Variants in ME1 observed in about 807,000 individuals in gnomAD.
The protein encoded by ME1 is NADP-dependent malic enzyme.
ME1 carries 74 observed loss-of-function variants against 66.4 expected under a neutral mutation model. That is an observed-to-expected ratio of 1.11 (90% CI 0.92 to 1.35). ME1 has a LOEUF of 1.35. ME1 is among the 40% of genes most tolerant of loss of function. ME1 has a pLI of 0.00. For synonymous variants in ME1, 251 were observed against 235.6 expected (o/e 1.07, Z -0.60); for missense variants, 750 against 694.1 (o/e 1.08, Z -0.90).
At chr6:83,418,456 C>T (rs1770202863) in intron 1 of ME1, among the ~76,000 whole-genome samples, 1 of 152,158 alleles carries the variant, frequency 6.6e-6, no homozygotes, top group Admixed American at 6.5e-5. Context: ...CCCTCTTACT[C>T]AGCTTTTTCG....
chr6:83,386,929 C>G (rs1769515011), intron 3 of ME1, among the ~76,000 whole-genome samples: 1 of 152,072 alleles, frequency 6.6e-6, no homozygotes, highest in Admixed American at 6.6e-5. Context: ...CTCAGACTTC[C>G]CAGCCTCCCC....
intron 3 of ME1, among the ~76,000 whole-genome samples, chr6:83,386,289 TAC>T (rs1769501505): frequency 6.6e-6 from 1 of 151,890 alleles, no homozygotes; most frequent in African/African-American, 2.4e-5. Flanking sequence ...TTTCTAGAAA[TAC>T]AGACAATTAT....
chr6:83,345,836 A>G (rs1768674780), intron 5 of ME1, among the ~76,000 whole-genome samples: 1 of 152,178 alleles, frequency 6.6e-6, no homozygotes, highest in African/African-American at 2.4e-5. Context: ...ATTAAATTTA[A>G]TAAATCCCAT....
rs542229438 is a variant in ME1, at chr6:83,211,182, C to T, written c.*742G>A. On this transcript the variant is annotated 3_prime_UTR_variant, in exon 14 of 14. Coordinates refer to ENST00000369705, the MANE Select transcript of ME1 (RefSeq NM_002395.6). The stretch of plus-strand genomic sequence containing the variant: ...CCAACCTCGGGACAGGGGCCACAGT[C>T]CACAAAATCCCTGTAGCAACAGTAT... The T allele has an allele frequency of 6.6e-6, 1 of 152,346 alleles. No individual in the cohort carries two copies. The highest frequency in any genetic ancestry group is 2.1e-4 in the South Asian group (1 of 4,822). 9.4% of individuals were successfully genotyped at this position (152,346 alleles called of 1,614,324 possible).
intron 5 of ME1, among the ~76,000 whole-genome samples, chr6:83,333,558 A>G (rs1178146278): frequency 6.6e-6 from 1 of 152,214 alleles, no homozygotes; most frequent in African/African-American, 2.4e-5. Context: ...AAAGACCATA[A>G]AAATTTAGAT....
chr6:83,285,683 G>A (rs1243557166), intron 6 of ME1, among the ~76,000 whole-genome samples: 2 of 152,148 alleles, frequency 1.3e-5, no homozygotes, highest in African/African-American at 4.8e-5. Context: ...AACAGCAAAA[G>A]CAAAGACCCT....
In ME1 at chr6:83,237,839, TGAAAA is replaced by T. The variant is rs1790444839; in HGVS notation, c.913-14_913-10del. 8 of 1,510,412 alleles carry T rather than the reference TGAAAA, an allele frequency of 5.3e-6. No individual in the cohort carries two copies. Among genetic ancestry groups the T allele is most frequent in the South Asian group, 3.7e-5 (3 of 81,314 alleles). 93.6% of individuals were successfully genotyped at this position (1,510,412 alleles called of 1,614,324 possible). A position where few individuals can be genotyped will look rare whatever the true frequency, so the allele number is the denominator to read the frequency against. ...GCAATCCCTAGGGCAGCCTCAGTGA[TGAAAA>T]GAAAAAATTTTAAAGTTGTTCTACA... On this transcript the variant is annotated splice_polypyrimidine_tract_variant and intron_variant, in intron 8 of 13. Coordinates refer to ENST00000369705, the MANE Select transcript of ME1 (RefSeq NM_002395.6).
intron 6 of ME1, among the ~76,000 whole-genome samples, chr6:83,254,738 T>C (rs1450398323): frequency 6.6e-6 from 1 of 152,186 alleles, no homozygotes; most frequent in African/African-American, 2.4e-5. Context: ...CTGAATCAAC[T>C]GCACCTCTCT....
intron 3 of ME1, among the ~76,000 whole-genome samples, chr6:83,393,887 T>C (rs1769680159): frequency 6.6e-6 from 1 of 152,082 alleles, no homozygotes; most frequent in African/African-American, 2.4e-5. Context: ...ACCCTTCATC[T>C]ATAAGGAAAA....
chr6:83,326,674 C>T (rs955954633), intron 5 of ME1, among the ~76,000 whole-genome samples: 4 of 152,108 alleles, frequency 2.6e-5, no homozygotes, highest in Admixed American at 1.3e-4. Context: ...CAATCAGAAC[C>T]ACAATGAGAT....
At chr6:83,401,260 A>G (rs760011265) in intron 2 of ME1, among the ~76,000 whole-genome samples, 1 of 152,192 alleles carries the variant, frequency 6.6e-6, no homozygotes, top group Non-Finnish European at 1.5e-5. Flanking sequence ...GTTTGAGCCC[A>G]GGATGTTGAG....
At chr6:83,319,019 T>G (rs1768097351) in intron 5 of ME1, among the ~76,000 whole-genome samples, 6 of 147,272 alleles carry the variant, frequency 4.1e-5, no homozygotes, top group African/African-American at 1.5e-4. Flanking sequence ...TGGATGAAAT[T>G]GGAAATCATC....
chr6:83,211,896 A>G lies in ME1; in HGVS notation c.*28T>C. ...TTATGAAAGGTTTAAAGACCTCATTAATAGAGTTAGAAATGTTTGCTATTA... is the reference window on the plus strand; with the variant it reads ...TTATGAAAGGTTTAAAGACCTCATTGATAGAGTTAGAAATGTTTGCTATTA... On this transcript the variant is annotated 3_prime_UTR_variant, in exon 14 of 14. Transcript: ENST00000369705. The G allele has an allele frequency of 6.7e-7, 1 of 1,484,420 alleles. No homozygotes were observed. The highest frequency in any genetic ancestry group is 9.1e-7 in the Non-Finnish European group (1 of 1,104,284). 92.0% of individuals were successfully genotyped at this position (1,484,420 alleles called of 1,614,324 possible).
intron 6 of ME1, among the ~76,000 whole-genome samples, chr6:83,284,789 C>G (rs1233487517): frequency 6.6e-6 from 1 of 152,124 alleles, no homozygotes; most frequent in Non-Finnish European, 1.5e-5. Flanking sequence ...AGATCAGGAA[C>G]AAGACAATGA....
intron 9 of ME1, among the ~76,000 whole-genome samples, chr6:83,237,457 A>T (rs957392824): frequency 4.6e-5 from 7 of 152,092 alleles, no homozygotes; most frequent in African/African-American, 1.4e-4. Context: ...AGAAAGAAAG[A>T]AAACTAAACT....
In ME1 at chr6:83,392,015, C is replaced by G. The variant is rs1382996620; in HGVS notation, c.362+6352G>C. 5.9e-5 allele frequency among the ~76,000 whole-genome samples: 9 copies of G among 152,308 alleles called. 1 individual carries two copies. The highest frequency in any genetic ancestry group is 2.2e-4 in the African/African-American group (9 of 41,578). On this transcript the variant is annotated intron_variant, in intron 3 of 13. Transcript: ENST00000369705. ...ATTTATTTATTTTATATGTTTGTCT[C>G]TTCTTCTTTTGGAATATATGCACAC...
At chr6:83,428,455 C>T (rs187999064) in intron 1 of ME1, among the ~76,000 whole-genome samples, 3 of 152,090 alleles carry the variant, frequency 2.0e-5, no homozygotes, top group Admixed American at 2.0e-4. Context: ...TTGCAGCTAC[C>T]CAAAGGTAAA....
rs531914121 is a variant in ME1, at chr6:83,285,226, A to ATT, written c.704+30082_704+30083dup. 6.0e-4 allele frequency among the ~76,000 whole-genome samples: 91 copies of ATT among 152,296 alleles called. 2 individuals carry two copies. The South Asian group carries it at 0.018, about 30-fold the overall frequency. ...TTAGGGACTGTTCAAAACAAAATGG[A>ATT]TTGGTTTTTCTCTCTTTTATTCTTT... On this transcript the variant is annotated intron_variant, in intron 6 of 13. Transcript: ENST00000369705.
At chr6:83,291,927 T>G (rs1329766313) in intron 6 of ME1, among the ~76,000 whole-genome samples, 1 of 152,112 alleles carries the variant, frequency 6.6e-6, no homozygotes, top group Non-Finnish European at 1.5e-5. Context: ...TTGAAGCTTG[T>G]GTTTGCTTCG....
Sources: allele counts gnomAD v4.1 joint callset (sites outside exome capture counted in the v4.1 genomes callset), GRCh38; gene constraint gnomAD v4.1.1; transcripts MANE v1.5; gene names NCBI Gene and HGNC (gene_info 2026-07-23, HGNC 2026-07-21).